NEU4: variants seen among roughly 807,000 people sequenced by gnomAD.
The protein encoded by NEU4 is neuraminidase 4.
NEU4 carries 7 observed loss-of-function variants against 9.9 expected under a neutral mutation model. That is an observed-to-expected ratio of 0.71 (90% CI 0.40 to 1.33). NEU4 has a LOEUF of 1.33. NEU4 is among the 40% of genes most tolerant of loss of function. NEU4 has a pLI of 0.01. For missense variants in NEU4, 717 were observed against 712.6 expected (o/e 1.01, Z -0.07); for synonymous variants, 348 against 316.9 (o/e 1.10, Z -1.04).
At chr2:241,815,929 C>T in intron 3 of NEU4, 122 bp from the exon 4 acceptor site, 1 of 972,342 alleles carries the variant, frequency 1.0e-6, no homozygotes, top group South Asian at 1.7e-5. Flanking sequence ...GAAGGGCGGT[C>T]AGAGTGCGAT....
intron 3 of NEU4, chr2:241,815,588 C>T: frequency 2.0e-6 from 1 of 505,030 alleles, no homozygotes; most frequent in Non-Finnish European, 4.0e-6. Context: ...AAACCAACAG[C>T]CACCCCGCCC....
intron 1 of NEU4, 83 bp from the exon 2 acceptor site, chr2:241,814,399 C>T (rs1429754156): frequency 1.7e-5 from 23 of 1,334,874 alleles, no homozygotes; most frequent in South Asian, 5.2e-5. Flanking sequence ...ACCTCCTGAG[C>T]GCATTCCCCA....
At chr2:241,815,451 A>AGGTGTCTC (rs1700294509) in intron 3 of NEU4, 1 of 271,196 alleles carries the variant, frequency 3.7e-6, no homozygotes, top group African/African-American at 3.8e-5. Context: ...ATGGGTATTG[A>AGGTGTCTC]TCACCCCCAG....
At chr2:241,815,223 T>C in intron 3 of NEU4, 76 bp downstream of exon 3, 1 of 1,449,746 alleles carries the variant, frequency 6.9e-7, no homozygotes, top group Non-Finnish European at 9.1e-7. Flanking sequence ...CAGCGGGAAA[T>C]TGCCATTCTG....
At position 241,814,660 on chromosome 2, in the gene NEU4, G is replaced by A; in HGVS notation, c.176G>A (p.Gly59Asp). ...SHAHRLVLRR[G>D]TLAGGSVRWG... ...GCCCACCGCCTGGTGCTGAGGAGGG[G>A]CACGCTGGCCGGGGGCTCCGTGCGG... Residue 59 changes from glycine (G) to aspartate (D), a missense_variant, in exon 2 of 4, where the codon GGC becomes GAC. Gly to Asp is a moderately conservative substitution (Grantham distance 94, BLOSUM62 -1). Coordinates refer to ENST00000407683, the MANE Select transcript of NEU4 (RefSeq NM_001167600.3). The A allele has an allele frequency of 6.4e-7, 1 of 1,567,150 alleles. No homozygotes were observed.
rs374522008 is a variant in NEU4 at position 241,815,003 on chromosome 2, G to A, written c.313G>A (p.Val105Met). 100 of 1,606,742 alleles carry A rather than the reference G, an allele frequency of 6.2e-5. No homozygotes were observed. The highest frequency in any genetic ancestry group is 7.9e-5 in the Non-Finnish European group (93 of 1,179,276). Residue 105 changes from valine (V) to methionine (M), a missense_variant, in exon 3 of 4, where the codon GTG (valine) becomes ATG (methionine). Physicochemically the swap from Val to Met is conservative, Grantham distance 21. Transcript: ENST00000407683. ...CACCGTCTTCCTCTTCTTCATCGCG[G>A]TGCTGGGCCACACGCCTGAGGCCGT... ...TGTVFLFFIAVLGHTPEAVQI... is the reference protein window; with the variant it reads ...TGTVFLFFIAMLGHTPEAVQI...
chr2:241,810,278 C>T (rs1335827458), intron 1 of NEU4, among the ~76,000 whole-genome samples: 4 of 152,276 alleles, frequency 2.6e-5, no homozygotes, highest in African/African-American at 7.2e-5. Context: ...TTTCCTTAAC[C>T]GTCTTCACGA....
Position 241,810,914 on chromosome 2 carries a change from C to T in NEU4, c.-4+1640C>T, listed in dbSNP as rs566278478. 200 of 983,402 alleles carry T rather than the reference C, an allele frequency of 2.0e-4. 1 individual carries two copies. The highest frequency in any genetic ancestry group is 2.8e-4 in the African/African-American group (16 of 57,426). 60.9% of individuals were successfully genotyped at this position (983,402 alleles called of 1,614,324 possible). On this transcript the variant is annotated intron_variant, in intron 1 of 3. Coordinates refer to ENST00000407683, the MANE Select transcript of NEU4 (RefSeq NM_001167600.3). ...TGTGCTGGGGAGGGGTCACCCTGGG[C>T]CCTGAGAGGCACAGGACATTGCGAT... is the stretch of plus-strand genomic sequence containing the variant.
Position 241,816,355 on chromosome 2 carries a change from T to G in NEU4, c.762T>G (p.Thr254=). ...GCAGCCGTGTGCAGGCGCTCAGCACTGACGAGGGCACCTCCTTCCTGCCCG... is the reference window on the plus strand; with the variant it reads ...GCAGCCGTGTGCAGGCGCTCAGCACGGACGAGGGCACCTCCTTCCTGCCCG... The part of the protein sequence containing the change: ...PLGSRVQALS[T]DEGTSFLPAE... The change falls in exon 4 of 4, where the codon ACT becomes ACG. Residue 254 remains threonine, a synonymous_variant. Coordinates refer to ENST00000407683, the MANE Select transcript of NEU4 (RefSeq NM_001167600.3). The G allele has an allele frequency of 6.3e-7, 1 of 1,586,886 alleles. No homozygotes were observed.
chr2:241,811,791 A>C, intron 1 of NEU4: 1 of 312,980 alleles, frequency 3.2e-6, no homozygotes, highest in Non-Finnish European at 5.8e-6. Context: ...GAGGGGCCCA[A>C]TGCAGGGGGC....
chr2:241,811,028 C>G, intron 1 of NEU4: 1 of 1,061,914 alleles, frequency 9.4e-7, no homozygotes, highest in Non-Finnish European at 1.1e-6. Flanking sequence ...AGGGGAGGCC[C>G]CGCACCCGGG....
At chr2:241,812,732 T>C (rs1700170782) in intron 1 of NEU4, among the ~76,000 whole-genome samples, 1 of 146,798 alleles carries the variant, frequency 6.8e-6, no homozygotes, top group Non-Finnish European at 1.5e-5. Context: ...CCTTGTCCTC[T>C]CTGTGGGCCT....
Position 241,817,210 on chromosome 2 carries a change from G to T in NEU4, c.*162G>T. On this transcript the variant is annotated 3_prime_UTR_variant, in exon 4 of 4. Transcript: ENST00000407683. ...CTCTCAAGCAGGGACTGCTCTTTAG[G>T]AAGGGGAGCAGCGGCTGGGAGTGAG... is the stretch of plus-strand genomic sequence containing the variant. The T allele has an allele frequency of 1.8e-6, 1 of 549,416 alleles. No homozygotes were observed. Among genetic ancestry groups the T allele is most frequent in the Non-Finnish European group, 2.9e-6 (1 of 345,948 alleles). The allele number at this position is 549,416 out of a possible 1,614,324, so 34.0% of individuals were successfully genotyped here. A position where few individuals can be genotyped will look rare whatever the true frequency, so the allele number is the denominator to read the frequency against.
At chr2:241,809,544 T>G (rs1376791750) in intron 1 of NEU4, among the ~76,000 whole-genome samples, 5 of 152,154 alleles carry the variant, frequency 3.3e-5, no homozygotes, top group Admixed American at 3.3e-4. Flanking sequence ...TAAGGAAAGC[T>G]TCCCCCGGGT....
At chr2:241,811,000 G>C in intron 1 of NEU4, 1 of 1,026,944 alleles carries the variant, frequency 9.7e-7, no homozygotes, top group Non-Finnish European at 1.2e-6. Flanking sequence ...CCTGTGCTGT[G>C]AGGGGCTGTG....
chr2:241,817,152 T>A lies in NEU4; in HGVS notation c.*104T>A. On this transcript the variant is annotated 3_prime_UTR_variant, in exon 4 of 4. Transcript: ENST00000407683. The stretch of plus-strand genomic sequence containing the variant: ...TGTGGGGGGGGCTCTTAGTGCAGGA[T>A]CCTGTGGATTAGAAACAAGTTGCTC... The A allele has an allele frequency of 1.6e-6, 2 of 1,219,430 alleles. No individual in the cohort carries two copies. Among genetic ancestry groups the A allele is most frequent in the Non-Finnish European group, 1.1e-6 (1 of 902,854 alleles). 75.5% of individuals were successfully genotyped at this position (1,219,430 alleles called of 1,614,324 possible). A position where few individuals can be genotyped will look rare whatever the true frequency, so the allele number is the denominator to read the frequency against.
chr2:241,816,567 G>A lies in NEU4; in HGVS notation c.974G>A (p.Arg325His), dbSNP rs150794212. 60 of 1,608,056 alleles carry A rather than the reference G, an allele frequency of 3.7e-5. 1 individual carries two copies. In the South Asian group the frequency reaches 5.0e-4, roughly 13 times the overall value. ...EPPEEAAVDP[R>H]GGQVPGGPFS... ...CCAGAGGAGGCTGCTGTAGACCCCC[G>A]TGGAGGCCAGGTGCCTGGTGGGCCC... The change falls in exon 4 of 4, where the codon CGT (arginine) becomes CAT (histidine). Residue 325 changes from arginine (R) to histidine (H), a missense_variant. Transcript: ENST00000407683.
In NEU4 at chr2:241,811,200, A is replaced by G. The variant is rs551729809; in HGVS notation, c.-4+1926A>G. ...CGCACCCCCGTGTCCTCAGCACCCC[A>G]GTGTTGAGTGCCTTGACCTGCAGAG... On this transcript the variant is annotated intron_variant, in intron 1 of 3. Coordinates refer to ENST00000407683, the MANE Select transcript of NEU4 (RefSeq NM_001167600.3). The G allele has an allele frequency of 2.8e-4, 343 of 1,234,570 alleles. No individual in the cohort carries two copies. In the African/African-American group the frequency reaches 4.3e-3, roughly 15 times the overall value. 76.5% of individuals were successfully genotyped at this position (1,234,570 alleles called of 1,614,324 possible). A position where few individuals can be genotyped will look rare whatever the true frequency, so the allele number is the denominator to read the frequency against.
intron 1 of NEU4, chr2:241,811,602 C>A (rs1404668967): frequency 6.2e-6 from 4 of 641,694 alleles, no homozygotes; most frequent in African/African-American, 5.7e-5. Context: ...CCTTGCCAAC[C>A]CCAGGGTGGC....
Sources: gnomAD v4.1 joint callset for allele counts (sites outside exome capture counted in the v4.1 genomes callset) on GRCh38, gnomAD v4.1.1 for gene constraint, MANE v1.5 for transcripts, NCBI Gene and HGNC (gene_info 2026-07-23, HGNC 2026-07-21) for gene names.